Variants in MEGF10 observed in about 807,000 individuals in gnomAD.
The protein encoded by MEGF10 is multiple epidermal growth factor-like domains protein 10.
A neutral mutation model predicts 147.5 loss-of-function variants in MEGF10; 86 were observed. That is an observed-to-expected ratio of 0.58 (90% CI 0.49 to 0.70). The LOEUF (loss-of-function observed/expected upper bound fraction) is 0.70. Among genes scored for constraint, MEGF10 ranks in the 30% least tolerant of loss-of-function variants. The probability of loss-of-function intolerance (pLI) is 0.00; values close to 1 mark genes in which losing one functional copy is unlikely to be tolerated. For missense variants in MEGF10, 1,329 were observed against 1,487.3 expected (o/e 0.89, Z 1.75); for synonymous variants, 478 against 525.5 (o/e 0.91, Z 1.24).
intron 21 of MEGF10, 137 bp from the exon 22 acceptor site, chr5:127,448,962 C>T (rs1766051747): frequency 3.7e-6 from 4 of 1,088,378 alleles, no homozygotes; most frequent in Non-Finnish European, 3.9e-6. Context: ...TACAAGCAGT[C>T]ACCTCGGCCC....
At chr5:127,437,902 T>C (rs1267017157) in intron 16 of MEGF10, among the ~76,000 whole-genome samples, 1 of 152,220 alleles carries the variant, frequency 6.6e-6, no homozygotes, top group Non-Finnish European at 1.5e-5. Flanking sequence ...ACACCTTATC[T>C]CTGCTCAAAT....
intron 4 of MEGF10, among the ~76,000 whole-genome samples, chr5:127,350,212 G>C (rs1249575741): frequency 2.0e-5 from 3 of 151,896 alleles, no homozygotes; most frequent in African/African-American, 7.3e-5. Flanking sequence ...CTTTCTCCAG[G>C]GTGTTAATTT....
At position 127,433,503 on chromosome 5, in the gene MEGF10, C is replaced by A. The variant is rs771775552; in HGVS notation, c.1834C>A (p.Gln612Lys). 4 of 1,604,436 alleles carry A rather than the reference C, an allele frequency of 2.5e-6. No homozygotes were observed. The South Asian group carries it at 3.4e-5, about 13-fold the overall frequency. ...ACCAGGCTTCCGAGGCACCACTTGTCAGAGGAGTAAGTGTCTCATTAGGCA... is the reference window on the plus strand; with the variant it reads ...ACCAGGCTTCCGAGGCACCACTTGTAAGAGGAGTAAGTGTCTCATTAGGCA... ...CAPGFRGTTC[Q>K]RICSPGFYGH... The change falls in exon 14 of 25, where the codon CAG becomes AAG. Residue 612 changes from glutamine to lysine, a missense_variant. Coordinates refer to ENST00000503335, the MANE Select transcript of MEGF10 (RefSeq NM_001256545.2).
At chr5:127,448,257 C>T (rs1331915388) in intron 21 of MEGF10, among the ~76,000 whole-genome samples, 4 of 152,212 alleles carry the variant, frequency 2.6e-5, no homozygotes, top group African/African-American at 9.6e-5. Context: ...ATGTGCCAAG[C>T]ATTTCTAATC....
chr5:127,367,904 T>A (rs2126856476), intron 4 of MEGF10, among the ~76,000 whole-genome samples: 1 of 152,314 alleles, frequency 6.6e-6, no homozygotes, highest in Middle Eastern at 3.4e-3. Flanking sequence ...GTACCCATGC[T>A]GCCATTTAAC....
chr5:127,268,978 G>C, the MEGF10 span, among the ~76,000 whole-genome samples: 1 of 152,192 alleles, frequency 6.6e-6, no homozygotes, highest in Non-Finnish European at 1.5e-5. Context: ...AGGCAAACAG[G>C]GTCTGGAGTG....
At chr5:127,371,493 A>G (rs1168899221) in intron 5 of MEGF10, among the ~76,000 whole-genome samples, 1 of 152,174 alleles carries the variant, frequency 6.6e-6, no homozygotes, top group Non-Finnish European at 1.5e-5. Context: ...GAAAAATAAC[A>G]TTATTATAAA....
chr5:127,444,316 A>G (rs1765860788), intron 19 of MEGF10: 1 of 152,250 alleles, frequency 6.6e-6, no homozygotes, highest in Non-Finnish European at 1.5e-5. Context: ...TGACTTTTAC[A>G]TGCTTATGAT....
chr5:127,434,300 A>C (rs1192726892), intron 14 of MEGF10, among the ~76,000 whole-genome samples: 1 of 152,228 alleles, frequency 6.6e-6, no homozygotes, highest in Non-Finnish European at 1.5e-5. Flanking sequence ...CTTAAAGAAT[A>C]AAGAATCAAC....
chr5:127,316,192 C>T (rs1241784292), intron 1 of MEGF10, among the ~76,000 whole-genome samples: 1 of 152,222 alleles, frequency 6.6e-6, no homozygotes, highest in Non-Finnish European at 1.5e-5. Context: ...GCTTCTGCTG[C>T]TTGACTCCCA....
chr5:127,259,038 G>C, the MEGF10 span, among the ~76,000 whole-genome samples: 1 of 152,170 alleles, frequency 6.6e-6, no homozygotes, highest in Non-Finnish European at 1.5e-5. Context: ...GATCTTAGCT[G>C]TGTCCAAGAG....
At chr5:127,290,650 A>T (rs1480004807), upstream of MEGF10, among the ~76,000 whole-genome samples, 2 of 152,160 alleles carry the variant, frequency 1.3e-5, no homozygotes, top group African/African-American at 4.8e-5. Context: ...AAGATCCTGC[A>T]TGTTGCGCTA....
chr5:127,324,796 A>G (rs1760937624), intron 1 of MEGF10, among the ~76,000 whole-genome samples: 1 of 152,158 alleles, frequency 6.6e-6, no homozygotes, highest in Non-Finnish European at 1.5e-5. Flanking sequence ...ATCACCACCA[A>G]ACACCACCCT....
intron 12 of MEGF10, among the ~76,000 whole-genome samples, chr5:127,420,935 A>G (rs1045144007): frequency 2.0e-5 from 3 of 152,150 alleles, no homozygotes; most frequent in African/African-American, 7.2e-5. Flanking sequence ...ACATCATCTG[A>G]TGGCGAGTTA....
intron 7 of MEGF10, among the ~76,000 whole-genome samples, chr5:127,401,288 AC>A (rs1355772762): frequency 6.6e-6 from 1 of 152,122 alleles, no homozygotes; most frequent in Non-Finnish European, 1.5e-5. Context: ...GAGGGTTGTT[AC>A]CTTATCTTTG....
chr5:127,430,272 C>A (rs1014097882), intron 13 of MEGF10, among the ~76,000 whole-genome samples: 3 of 152,068 alleles, frequency 2.0e-5, no homozygotes, highest in African/African-American at 7.3e-5. Context: ...CTGCCTTTGA[C>A]AAACAAAGAA....
At chr5:127,246,625 T>C in the MEGF10 span, among the ~76,000 whole-genome samples, 6 of 150,980 alleles carry the variant, frequency 4.0e-5, no homozygotes, top group Non-Finnish European at 8.9e-5. Context: ...TGGTGAGCAA[T>C]GAAAACTTAG....
chr5:127,357,052 A>C (rs1424698182), intron 4 of MEGF10, among the ~76,000 whole-genome samples: 2 of 152,208 alleles, frequency 1.3e-5, no homozygotes, highest in Non-Finnish European at 2.9e-5. Context: ...GGGTAATTTT[A>C]AATATTTATA....
At chr5:127,449,319 A>T in intron 22 of MEGF10, 97 bp downstream of exon 22, 1 of 1,535,556 alleles carries the variant, frequency 6.5e-7, no homozygotes, top group Admixed American at 1.9e-5. Flanking sequence ...TCTATTGAAA[A>T]CTTGCATCAA....
Sources: allele counts gnomAD v4.1 joint callset (sites outside exome capture counted in the v4.1 genomes callset), GRCh38; gene constraint gnomAD v4.1.1; transcripts MANE v1.5; gene names NCBI Gene and HGNC (gene_info 2026-07-23, HGNC 2026-07-21).